The following LAMA2 variants were observed in gnomAD, a reference collection of about 807,000 sequenced individuals.
LAMA2 encodes the protein laminin subunit alpha 2.
A neutral mutation model predicts 364.8 loss-of-function variants in LAMA2; 269 were observed. The observed-to-expected ratio is 0.74, with a 90% confidence interval of 0.67 to 0.82. LAMA2 has a LOEUF of 0.82. LAMA2 is among the 40% of genes least tolerant of loss of function. The pLI is 0.00. For synonymous variants in LAMA2, 1,379 were observed against 1,370.6 expected, an observed-to-expected ratio of 1.01 and a Z score of -0.14; for missense variants, 3,807 against 3,873.2, an observed-to-expected ratio of 0.98 and a Z score of 0.45.
chr6:129,119,498 C>G (rs1583075228), intron 4 of LAMA2, among the ~76,000 whole-genome samples: 1 of 151,690 alleles, frequency 6.6e-6, no homozygotes, highest in Non-Finnish European at 1.5e-5. Context: ...AAATTGTAGG[C>G]TAAAGCATAT....
intron 32 of LAMA2, among the ~76,000 whole-genome samples, chr6:129,355,547 G>C (rs1777103763): frequency 6.6e-6 from 1 of 152,140 alleles, no homozygotes; most frequent in Non-Finnish European, 1.5e-5. Flanking sequence ...TGGGGTGTTT[G>C]ATCTGCAGGA....
intron 3 of LAMA2, among the ~76,000 whole-genome samples, chr6:129,088,520 G>T (rs1418353207): frequency 6.6e-6 from 1 of 150,938 alleles, no homozygotes; most frequent in East Asian, 2.0e-4. Flanking sequence ...CTGGCCAGGC[G>T]GGGGCTGCCC....
chr6:129,038,508 G>A (rs1786831316), intron 1 of LAMA2, among the ~76,000 whole-genome samples: 1 of 152,146 alleles, frequency 6.6e-6, no homozygotes, highest in African/African-American at 2.4e-5. Flanking sequence ...AGGGTGAGAA[G>A]ATGGCAGACA....
In LAMA2 at chr6:129,159,483, C is replaced by T. The variant is rs533108515; in HGVS notation, c.1206+4800C>T. 3.4e-3 allele frequency among the ~76,000 whole-genome samples: 520 copies of T among 152,332 alleles called. 4 individuals are homozygous for T. Among genetic ancestry groups the T allele is most frequent in the African/African-American group, 0.012 (488 of 41,574 alleles). On this transcript the variant is annotated intron_variant, in intron 8 of 64. Transcript: ENST00000421865. ...GGCCGGGAGGATCTGCCGGGGAGAG[C>T]GGCTTTCCTCATCGATTCGGGAGCA...
intron 43 of LAMA2, among the ~76,000 whole-genome samples, chr6:129,441,897 C>T (rs1297606720): frequency 6.6e-6 from 1 of 151,944 alleles, no homozygotes; most frequent in Non-Finnish European, 1.5e-5. Context: ...GCTGGAGGAT[C>T]CCTTGAACCC....
chr6:129,373,403 A>G (rs945558107), intron 34 of LAMA2, among the ~76,000 whole-genome samples: 1 of 152,182 alleles, frequency 6.6e-6, no homozygotes, highest in Non-Finnish European at 1.5e-5. Context: ...CTCCATTCCC[A>G]GTCTCCCCAT....
At chr6:129,381,294 C>T (rs1472379725) in intron 34 of LAMA2, among the ~76,000 whole-genome samples, 2 of 151,958 alleles carry the variant, frequency 1.3e-5, no homozygotes, top group African/African-American at 4.8e-5. Flanking sequence ...CAAGTCTAGA[C>T]TAGAAAAATA....
chr6:129,291,606 C>A lies in LAMA2; in HGVS notation c.2750-8C>A. ...TTTCCTGATCACAGGTCTCTCTTCT[C>A]TTTGCAGCCTGTCGCTGTAATGCCG... On this transcript the variant is annotated splice_polypyrimidine_tract_variant and splice_region_variant and intron_variant, in intron 19 of 64. Transcript: ENST00000421865. 6.2e-7 allele frequency: 1 copy of A among 1,608,908 alleles called. No homozygotes were observed. The highest frequency in any genetic ancestry group is 8.5e-7 in the Non-Finnish European group (1 of 1,175,342).
At chr6:129,444,238 T>A (rs1782258336) in intron 44 of LAMA2, among the ~76,000 whole-genome samples, 1 of 152,176 alleles carries the variant, frequency 6.6e-6, no homozygotes, top group Admixed American at 6.5e-5. Context: ...TGGCAAAAAC[T>A]TCTGAGAACT....
At chr6:129,059,403 A>G (rs141030265) in intron 2 of LAMA2, among the ~76,000 whole-genome samples, 4 of 152,226 alleles carry the variant, frequency 2.6e-5, no homozygotes, top group Non-Finnish European at 5.9e-5. Context: ...TTGATGGCAT[A>G]CTAGAGCTGT....
chr6:129,433,563 G>A (rs753984903), intron 41 of LAMA2, among the ~76,000 whole-genome samples: 1 of 151,990 alleles, frequency 6.6e-6, no homozygotes, highest in Non-Finnish European at 1.5e-5. Context: ...ATTTATTTGT[G>A]CCCTATTCAT....
At chr6:129,398,745 A>G (rs146799923) in intron 37 of LAMA2, among the ~76,000 whole-genome samples, 1,525 of 152,196 alleles carry the variant, frequency 0.01, 20 homozygotes, top group African/African-American at 0.035. Context: ...AAGTGCTGGG[A>G]TAACAGGCAT....
chr6:129,245,019 GTGAAGC>G (rs1340255857), intron 12 of LAMA2, among the ~76,000 whole-genome samples: 1 of 152,110 alleles, frequency 6.6e-6, no homozygotes, highest in Non-Finnish European at 1.5e-5. Flanking sequence ...TCTTAATGGG[GTGAAGC>G]TGAAGAACAG....
chr6:128,910,265 C>T (rs1777812791), intron 1 of LAMA2, among the ~76,000 whole-genome samples: 1 of 152,260 alleles, frequency 6.6e-6, no homozygotes, highest in Non-Finnish European at 1.5e-5. Flanking sequence ...CCGTCACTTT[C>T]AGGTACACCA....
intron 1 of LAMA2, among the ~76,000 whole-genome samples, chr6:128,906,750 A>G (rs1322833767): frequency 6.6e-6 from 1 of 151,606 alleles, no homozygotes; most frequent in Non-Finnish European, 1.5e-5. Context: ...GTTTTCTTCT[A>G]GGGTTTTTAT....
At chr6:129,501,442 C>T (rs1785631244) in intron 58 of LAMA2, among the ~76,000 whole-genome samples, 1 of 152,206 alleles carries the variant, frequency 6.6e-6, no homozygotes, top group South Asian at 2.1e-4. Context: ...CATTTCAAAA[C>T]ACTTTAAGCC....
intron 37 of LAMA2, among the ~76,000 whole-genome samples, chr6:129,394,542 G>A (rs779552161): frequency 6.6e-6 from 1 of 152,158 alleles, no homozygotes; most frequent in African/African-American, 2.4e-5. Flanking sequence ...CCAATTTGGA[G>A]TCTACTGACA....
chr6:129,477,517 G>A (rs1784127596), intron 53 of LAMA2, among the ~76,000 whole-genome samples: 1 of 152,158 alleles, frequency 6.6e-6, no homozygotes, highest in Admixed American at 6.5e-5. Flanking sequence ...AGAACACTGA[G>A]TCTTGGAGAA....
intron 40 of LAMA2, among the ~76,000 whole-genome samples, chr6:129,410,584 G>T (rs1476467662): frequency 6.6e-6 from 1 of 152,120 alleles, no homozygotes; most frequent in Non-Finnish European, 1.5e-5. Context: ...TTGTATTAGG[G>T]TTCTCCAAAT....
Sources: gnomAD v4.1 joint callset for allele counts (sites outside exome capture counted in the v4.1 genomes callset) on GRCh38, gnomAD v4.1.1 for gene constraint, MANE v1.5 for transcripts, NCBI Gene and HGNC (gene_info 2026-07-23, HGNC 2026-07-21) for gene names.